Variants in PLCXD2 observed in about 807,000 individuals in gnomAD.
The protein encoded by PLCXD2 is phosphatidylinositol specific phospholipase C X domain containing 2, also known as PI-PLC X domain-containing protein 2.
Under a neutral mutation model 28.6 loss-of-function variants are expected in PLCXD2, and 21 were observed. That is an observed-to-expected ratio of 0.73 (90% confidence interval 0.52 to 1.06). PLCXD2 has a LOEUF of 1.06. PLCXD2 is among the 50% of genes least tolerant of loss of function. The pLI, the probability that PLCXD2 is intolerant of heterozygous loss-of-function variation, is 0.00. For missense variants in PLCXD2, 369 were observed against 376.7 expected (o/e 0.98, Z 0.17); for synonymous variants, 140 against 150.1 (o/e 0.93, Z 0.49).
intron 1 of PLCXD2, among the ~76,000 whole-genome samples, chr3:111,683,939 G>C (rs536579645): frequency 5.8e-4 from 89 of 152,204 alleles, no homozygotes; most frequent in African/African-American, 2.1e-3. Context: ...GAGAGGGAAT[G>C]GCCCATTTAA....
chr3:111,722,171 T>C (rs1941354927), intron 3 of PLCXD2: 1 of 116,052 alleles, frequency 8.6e-6, no homozygotes, highest in Non-Finnish European at 2.0e-5. Context: ...TAAGGAGCCC[T>C]CTTGTGTTTT....
chr3:111,681,134 T>C (rs761480035), intron 1 of PLCXD2, among the ~76,000 whole-genome samples: 4 of 152,176 alleles, frequency 2.6e-5, no homozygotes, highest in Non-Finnish European at 5.9e-5. Context: ...GTAACTTGAA[T>C]GGTTACCCTG....
At chr3:111,675,464 G>A in intron 1 of PLCXD2, 56 bp downstream of exon 1, 1 of 1,595,364 alleles carries the variant, frequency 6.3e-7, no homozygotes, top group South Asian at 1.1e-5. Context: ...TTTTAGTGTT[G>A]TTAAGGGGTT....
intron 3 of PLCXD2, among the ~76,000 whole-genome samples, chr3:111,720,394 C>A (rs1481556194): frequency 3.9e-5 from 6 of 152,068 alleles, no homozygotes; most frequent in Non-Finnish European, 7.4e-5. Flanking sequence ...CTCAGCCCCC[C>A]AAAGTGCCGG....
chr3:111,711,295 T>C (rs935911623), intron 2 of PLCXD2, among the ~76,000 whole-genome samples: 2 of 152,120 alleles, frequency 1.3e-5, no homozygotes, highest in Admixed American at 6.6e-5. Flanking sequence ...TCCCAGCTAC[T>C]CGGCAGGCAG....
intron 1 of PLCXD2, among the ~76,000 whole-genome samples, chr3:111,702,974 G>A (rs1356089286): frequency 6.6e-6 from 1 of 152,196 alleles, no homozygotes; most frequent in Non-Finnish European, 1.5e-5. Context: ...GACATTGTTA[G>A]CCTGTTTTTC....
chr3:111,721,006 T>A (rs911658859), intron 3 of PLCXD2: 6 of 401,744 alleles, frequency 1.5e-5, no homozygotes, highest in Non-Finnish European at 2.7e-5. Flanking sequence ...CTTTTTTTTC[T>A]CCCTTCCTCA....
At chr3:111,684,021 C>T (rs1403004885) in intron 1 of PLCXD2, among the ~76,000 whole-genome samples, 1 of 152,000 alleles carries the variant, frequency 6.6e-6, no homozygotes, top group Admixed American at 6.6e-5. Context: ...AAAGTGGCAA[C>T]ATACTTAGAG....
At chr3:111,700,009 G>A (rs534117148) in intron 1 of PLCXD2, among the ~76,000 whole-genome samples, 5 of 152,288 alleles carry the variant, frequency 3.3e-5, no homozygotes, top group Admixed American at 3.3e-4. Context: ...GAACTTTTGG[G>A]AAACTATAAT....
chr3:111,690,244 T>C (rs2107846124), intron 1 of PLCXD2, among the ~76,000 whole-genome samples: 1 of 152,362 alleles, frequency 6.6e-6, no homozygotes, highest in Middle Eastern at 3.4e-3. Context: ...TTGTTGGTTG[T>C]AATAAAGGGT....
chr3:111,699,779 T>C (rs1020315042), intron 1 of PLCXD2, among the ~76,000 whole-genome samples: 7 of 152,162 alleles, frequency 4.6e-5, no homozygotes, highest in African/African-American at 1.7e-4. Context: ...AATCACATAC[T>C]AGGAGGCATG....
chr3:111,702,685 C>T (rs1363113074), intron 1 of PLCXD2, among the ~76,000 whole-genome samples: 1 of 152,040 alleles, frequency 6.6e-6, no homozygotes, highest in Admixed American at 6.6e-5. Flanking sequence ...CCTACCAATT[C>T]CCAAGCAGCA....
intron 3 of PLCXD2, chr3:111,720,732 T>G: frequency 2.4e-6 from 1 of 416,858 alleles, no homozygotes. Context: ...GGAATCTTCC[T>G]GCCATCCTGG....
intron 1 of PLCXD2, among the ~76,000 whole-genome samples, chr3:111,690,327 A>G (rs1215110821): frequency 6.6e-6 from 1 of 152,030 alleles, no homozygotes; most frequent in Non-Finnish European, 1.5e-5. Context: ...GAGGATGGTG[A>G]TGTTTGAAGG....
chr3:111,721,548 T>A (rs1442828066), intron 3 of PLCXD2: 2 of 152,226 alleles, frequency 1.3e-5, no homozygotes, highest in Non-Finnish European at 2.9e-5. Flanking sequence ...GAAACATGCT[T>A]CCCAGTTTTA....
intron 1 of PLCXD2, chr3:111,691,368 A>G (rs1940874313): frequency 6.6e-6 from 1 of 152,224 alleles, no homozygotes; most frequent in Non-Finnish European, 1.5e-5. Context: ...GCAAATGAAG[A>G]AACAGAATTC....
At chr3:111,714,150 A>G in intron 3 of PLCXD2, 22 bp downstream of exon 3, 2 of 1,607,540 alleles carry the variant, frequency 1.2e-6, no homozygotes, top group Non-Finnish European at 1.7e-6. Context: ...CTTCCACCCC[A>G]CAAGGAAAGC....
intron 1 of PLCXD2, among the ~76,000 whole-genome samples, chr3:111,701,136 C>CT (rs1340855886): frequency 2.6e-5 from 4 of 152,190 alleles, no homozygotes; most frequent in African/African-American, 9.7e-5. Context: ...CCTTCACACT[C>CT]TGATTTCTGA....
rs1320285408 is a variant in PLCXD2, at chr3:111,705,878, AG to A, written c.164-2045del. On this transcript the variant is annotated intron_variant, in intron 1 of 4. Transcript: ENST00000477665. ...TGAATGACAAACATCTTAAAAAGAC[AG>A]GGTCTTACTCTGACCCAGGCTGGAG... Among the ~76,000 whole-genome samples, 3 of 150,910 alleles carry A rather than the reference AG, an allele frequency of 2.0e-5. No individual in the cohort carries two copies. The East Asian group carries it at 6.1e-4, about 31-fold the overall frequency.
Sources: gnomAD v4.1 joint callset for allele counts (sites outside exome capture counted in the v4.1 genomes callset) on GRCh38, gnomAD v4.1.1 for gene constraint, MANE v1.5 for transcripts, NCBI Gene and HGNC (gene_info 2026-07-23, HGNC 2026-07-21) for gene names.